Variants in TCEANC2 observed in about 807,000 individuals in gnomAD.
The protein encoded by TCEANC2 is transcription elongation factor A N-terminal and central domain containing 2.
A neutral mutation model predicts 22.8 loss-of-function variants in TCEANC2; 20 were observed. The ratio of observed to expected loss-of-function variants is 0.88; its 90% CI spans 0.62 to 1.28. The LOEUF is 1.28. Ranked by LOEUF, TCEANC2 falls within the 50% of genes most tolerant of loss-of-function variation. The probability of loss-of-function intolerance (pLI) is 0.00; values close to 1 mark genes in which losing one functional copy is unlikely to be tolerated. For missense variants in TCEANC2, 251 were observed against 249.7 expected (o/e 1.01, Z -0.03); for synonymous variants, 84 against 95.5 (o/e 0.88, Z 0.70).
rs7555099 is a variant in TCEANC2 at position 54,096,243 on chromosome 1, C to T, written c.439-42C>T. On this transcript the variant is annotated intron_variant, in intron 4 of 4. Transcript: ENST00000234827. The surrounding 1 kb of genome is among the most constrained non-coding windows in gnomAD (Gnocchi z 4.9). The stretch of plus-strand genomic sequence containing the variant: ...CAGCCTCTCTTGCTTTTAATCCTTA[C>T]GCAATGTAAGGCTCTAATTTGATAA... The T allele has an allele frequency of 0.41, 638,212 of 1,553,234 alleles. 141,898 individuals carry two copies. The highest frequency in any genetic ancestry group is 0.83 in the African/African-American group (61,307 of 73,556).
At chr1:54,077,743 C>G (rs74085159) in intron 3 of TCEANC2, among the ~76,000 whole-genome samples, 14,779 of 152,112 alleles carry the variant, frequency 0.097, 1,693 homozygotes, top group African/African-American at 0.28. Context: ...GGAATATAGT[C>G]TTCAAATGAG....
chr1:54,094,146 G>T (rs191140345), intron 4 of TCEANC2, among the ~76,000 whole-genome samples: 1 of 152,196 alleles, frequency 6.6e-6, no homozygotes, highest in Non-Finnish European at 1.5e-5. Flanking sequence ...ACTTTTGTGA[G>T]CACCTTTTGT....
In TCEANC2 at chr1:54,100,517, G is replaced by A. The variant is rs6694292; in HGVS notation, c.*4044G>A. The A allele has an allele frequency of 0.29, 44,605 of 152,102 alleles. 7,142 individuals are homozygous for A. Among genetic ancestry groups the A allele is most frequent in the Admixed American group, 0.43 (6,603 of 15,280 alleles). 9.4% of individuals were successfully genotyped at this position (152,102 alleles called of 1,614,324 possible). A position where few individuals can be genotyped will look rare whatever the true frequency, so the allele number is the denominator to read the frequency against. ...TGAAAATATTGAGAAGATGGGGAAAGGAATGAATAACACCACTCAGAGGAA... is the reference window on the plus strand; with the variant it reads ...TGAAAATATTGAGAAGATGGGGAAAAGAATGAATAACACCACTCAGAGGAA... On this transcript the variant is annotated 3_prime_UTR_variant, in exon 5 of 5. Coordinates refer to ENST00000234827, the MANE Select transcript of TCEANC2 (RefSeq NM_153035.3).
chr1:54,093,897 T>C (rs1658494326), intron 4 of TCEANC2, among the ~76,000 whole-genome samples: 1 of 152,072 alleles, frequency 6.6e-6, no homozygotes, highest in Non-Finnish European at 1.5e-5. Flanking sequence ...ACCAGCCTCA[T>C]ACCGGGATAA....
intron 3 of TCEANC2, among the ~76,000 whole-genome samples, chr1:54,080,703 A>G (rs1658223504): frequency 1.3e-5 from 2 of 152,202 alleles, no homozygotes; most frequent in Non-Finnish European, 2.9e-5. Flanking sequence ...CCCAATGCCT[A>G]TGAGTATTTG....
intron 3 of TCEANC2, among the ~76,000 whole-genome samples, chr1:54,085,838 A>G (rs1334066125): frequency 6.6e-6 from 1 of 152,102 alleles, no homozygotes; most frequent in East Asian, 1.9e-4. Context: ...GGTTCAAGCC[A>G]TCCTCCCATC....
At chr1:54,107,830 T>C (rs576129129), downstream of TCEANC2, among the ~76,000 whole-genome samples, 43 of 152,360 alleles carry the variant, frequency 2.8e-4, no homozygotes, top group East Asian at 3.1e-3. Context: ...AGGATAATCA[T>C]TAGCGTATTG....
chr1:54,059,169 T>C (rs1029864940), intron 2 of TCEANC2, among the ~76,000 whole-genome samples: 24 of 150,320 alleles, frequency 1.6e-4, no homozygotes, highest in South Asian at 4.2e-4. Context: ...TTTTTTTTTT[T>C]CAACTCAGAG....
At chr1:54,087,963 G>A (rs1400736226) in intron 3 of TCEANC2, among the ~76,000 whole-genome samples, 1 of 152,170 alleles carries the variant, frequency 6.6e-6, no homozygotes, top group Non-Finnish European at 1.5e-5. Context: ...TTGGGGAAGA[G>A]GATAAGACTA....
chr1:54,095,582 C>T (rs1658529676), intron 4 of TCEANC2, among the ~76,000 whole-genome samples: 1 of 152,178 alleles, frequency 6.6e-6, no homozygotes. Flanking sequence ...CCAGACCACC[C>T]CAGAATTGCT....
At position 54,103,219 on chromosome 1, in the gene TCEANC2, A is replaced by G. The variant is rs1255714278; in HGVS notation, c.*6746A>G. The G allele has an allele frequency of 6.6e-6, 1 of 152,262 alleles. No homozygotes were observed. Among genetic ancestry groups the G allele is most frequent in the African/African-American group, 2.4e-5 (1 of 41,450 alleles). 9.4% of individuals were successfully genotyped at this position (152,262 alleles called of 1,614,324 possible). Reference sequence around the variant, plus strand: ...CACAATGGGTGTATAAACAGCAACCATGGTGGTGTAGTAGTCCATTTTCAC... The same window carrying G: ...CACAATGGGTGTATAAACAGCAACCGTGGTGGTGTAGTAGTCCATTTTCAC... On this transcript the variant is annotated 3_prime_UTR_variant, in exon 5 of 5. Coordinates refer to ENST00000234827, the MANE Select transcript of TCEANC2 (RefSeq NM_153035.3).
At chr1:54,069,032 T>A in intron 3 of TCEANC2, 135 bp downstream of exon 3, 1 of 1,003,874 alleles carries the variant, frequency 1.0e-6, no homozygotes, top group Non-Finnish European at 1.3e-6. Flanking sequence ...GACTGTTGTT[T>A]AAAAAATTAT....
chr1:54,058,573 C>T (rs2100353156), intron 2 of TCEANC2, among the ~76,000 whole-genome samples: 1 of 152,322 alleles, frequency 6.6e-6, no homozygotes, highest in East Asian at 1.9e-4. Flanking sequence ...TGTTCTACCC[C>T]AGTGCGCTTA....
intron 2 of TCEANC2, among the ~76,000 whole-genome samples, chr1:54,056,068 C>T (rs959482663): frequency 6.6e-6 from 1 of 152,196 alleles, no homozygotes; most frequent in African/African-American, 2.4e-5. Flanking sequence ...TGATTGAGCC[C>T]TACCAAACTC....
intron 3 of TCEANC2, 95 bp downstream of exon 3, chr1:54,068,992 C>A: frequency 7.9e-7 from 1 of 1,265,972 alleles, no homozygotes; most frequent in Non-Finnish European, 1.0e-6. Context: ...AGTTATCTGC[C>A]TTATCAATGC....
At chr1:54,083,772 C>T (rs1658287878) in intron 3 of TCEANC2, among the ~76,000 whole-genome samples, 1 of 152,132 alleles carries the variant, frequency 6.6e-6, no homozygotes, top group Non-Finnish European at 1.5e-5. Context: ...AGCTGAACTG[C>T]ATGGATACAC....
chr1:54,080,828 AG>A (rs1470524998), intron 3 of TCEANC2, among the ~76,000 whole-genome samples: 1 of 152,244 alleles, frequency 6.6e-6, no homozygotes, highest in Non-Finnish European at 1.5e-5. Flanking sequence ...CTGGGTCATA[AG>A]ACCAGCCAGT....
intron 3 of TCEANC2, among the ~76,000 whole-genome samples, chr1:54,079,349 G>T (rs1658198986): frequency 6.6e-6 from 1 of 152,010 alleles, no homozygotes; most frequent in African/African-American, 2.4e-5. Context: ...AAAGTAACTT[G>T]CCCCAGGTTA....
chr1:54,082,184 G>C (rs976198434), intron 3 of TCEANC2, among the ~76,000 whole-genome samples: 1 of 152,138 alleles, frequency 6.6e-6, no homozygotes. Context: ...TGGTATTTAA[G>C]TCATTGTTAT....
Sources: gnomAD v4.1 joint callset for allele counts (sites outside exome capture counted in the v4.1 genomes callset) on GRCh38, gnomAD v4.1.1 for gene constraint, Gnocchi (gnomAD v3.1) non-coding constraint, MANE v1.5 for transcripts, NCBI Gene and HGNC (gene_info 2026-07-23, HGNC 2026-07-21) for gene names.